Variants in UNC5C observed in about 807,000 individuals in gnomAD.
UNC5C encodes the protein unc-5 netrin receptor C.
UNC5C carries 47 observed loss-of-function variants against 99.8 expected under a neutral mutation model. That is an observed-to-expected ratio of 0.47 (90% CI 0.37 to 0.60). UNC5C has a LOEUF of 0.60. Ranked by LOEUF, UNC5C falls within the 20% of genes least tolerant of loss-of-function variation. UNC5C has a pLI of 0.00. For missense variants in UNC5C, 1,062 were observed against 1,165.9 expected (o/e 0.91, Z 1.30); for synonymous variants, 487 against 452.2 (o/e 1.08, Z -0.98).
At chr4:95,353,095 T>C (rs1408974839) in intron 1 of UNC5C, among the ~76,000 whole-genome samples, 1 of 152,188 alleles carries the variant, frequency 6.6e-6, no homozygotes, top group Non-Finnish European at 1.5e-5. Context: ...CTGCACTTAA[T>C]GCCTTATTCC....
chr4:95,301,808 A>G, intron 2 of UNC5C, 59 bp from the exon 3 acceptor site: 1 of 1,561,548 alleles, frequency 6.4e-7, no homozygotes, highest in Non-Finnish European at 8.7e-7. Context: ...AGAAATATAA[A>G]CCATCACATC....
At chr4:95,373,617 C>T (rs570177279) in intron 1 of UNC5C, among the ~76,000 whole-genome samples, 23 of 152,222 alleles carry the variant, frequency 1.5e-4, no homozygotes, top group South Asian at 1.2e-3. Flanking sequence ...TTGTTTGTTT[C>T]GCGGCTGTAT....
At chr4:95,535,046 G>C (rs1195401519) in intron 1 of UNC5C, among the ~76,000 whole-genome samples, 1 of 152,068 alleles carries the variant, frequency 6.6e-6, no homozygotes, top group Non-Finnish European at 1.5e-5. Flanking sequence ...CAAATGTACA[G>C]TGGAGAAAAG....
At chr4:95,465,529 T>C (rs1004114249) in intron 1 of UNC5C, among the ~76,000 whole-genome samples, 1 of 152,110 alleles carries the variant, frequency 6.6e-6, no homozygotes, top group Non-Finnish European at 1.5e-5. Context: ...TTTTCTTCCA[T>C]GTAGGAAGAA....
chr4:95,202,779 C>G lies in UNC5C; in HGVS notation c.2088G>C (p.Glu696Asp). The G allele has an allele frequency of 6.2e-7, 1 of 1,614,246 alleles. No homozygotes were observed. The highest frequency in any genetic ancestry group is 8.5e-7 in the Non-Finnish European group (1 of 1,180,050). Residue 696 changes from glutamate to aspartate, a missense_variant, in exon 12 of 16, where the codon GAG (glutamate) becomes GAC (aspartate). Around this residue, in one of 3 missense-constraint regions of UNC5C, gnomAD observed 810 missense variants for 854.5 expected, o/e 0.95. Transcript: ENST00000453304. Reference sequence around the variant, plus strand: ...CCAGACAGTAGACTCGGATGCTGTACTCCAGCGAGGAGCAGCACAGGGGCC... The same window carrying G: ...CCAGACAGTAGACTCGGATGCTGTAGTCCAGCGAGGAGCAGCACAGGGGCC... ...IFGPLCCSSL[E>D]YSIRVYCLDD... is the part of the protein sequence containing the mutation.
chr4:95,472,985 A>G (rs1360805468), intron 1 of UNC5C, among the ~76,000 whole-genome samples: 2 of 151,998 alleles, frequency 1.3e-5, no homozygotes, highest in Admixed American at 1.3e-4. Context: ...CTTATGCTCC[A>G]CTGAAATAAA....
At chr4:95,349,322 G>GGT (rs151051852) in intron 1 of UNC5C, among the ~76,000 whole-genome samples, 75,497 of 120,400 alleles carry the variant, frequency 0.63, 24,842 homozygotes, top group Admixed American at 0.74. Flanking sequence ...AGAGAGAAAG[G>GGT]GTGTGTGTGT....
chr4:95,358,176 A>G (rs1744275628), intron 1 of UNC5C, among the ~76,000 whole-genome samples: 2 of 152,196 alleles, frequency 1.3e-5, no homozygotes. Context: ...GGTGTTTTAC[A>G]ACAAAAACAA....
At chr4:95,214,695 A>G (rs1163129210) in intron 10 of UNC5C, among the ~76,000 whole-genome samples, 2 of 152,242 alleles carry the variant, frequency 1.3e-5, no homozygotes, top group East Asian at 3.9e-4. Context: ...CTCACCATAA[A>G]GCACAAGCCA....
intron 1 of UNC5C, among the ~76,000 whole-genome samples, chr4:95,420,404 A>G (rs1746283333): frequency 6.6e-6 from 1 of 152,200 alleles, no homozygotes; most frequent in South Asian, 2.1e-4. Context: ...TCATAAGTCT[A>G]GAGATTTAAC....
chr4:95,535,467 C>T (rs752152669), intron 1 of UNC5C, among the ~76,000 whole-genome samples: 12 of 152,148 alleles, frequency 7.9e-5, no homozygotes, highest in Non-Finnish European at 1.8e-4. Flanking sequence ...GCAACAATTG[C>T]TAATGTGCAT....
intron 2 of UNC5C, among the ~76,000 whole-genome samples, chr4:95,316,186 G>A (rs1165638397): frequency 1.3e-5 from 2 of 152,074 alleles, no homozygotes; most frequent in Admixed American, 1.3e-4. Flanking sequence ...ATGGAAAAAA[G>A]GGAAATAATT....
intron 1 of UNC5C, among the ~76,000 whole-genome samples, chr4:95,415,826 C>T: frequency 6.6e-6 from 1 of 151,050 alleles, no homozygotes; most frequent in African/African-American, 2.5e-5. Context: ...TAAATGGCAA[C>T]CCTAAGAATG....
intron 1 of UNC5C, among the ~76,000 whole-genome samples, chr4:95,371,431 G>C (rs1055044639): frequency 8.6e-5 from 6 of 69,490 alleles, no homozygotes; most frequent in Non-Finnish European, 1.6e-4. Flanking sequence ...TGTGGGGGGG[G>C]GGGAGTATCA....
At chr4:95,196,764 T>TA (rs1249382084) in intron 12 of UNC5C, among the ~76,000 whole-genome samples, 11 of 35,916 alleles carry the variant, frequency 3.1e-4, no homozygotes, top group Admixed American at 6.1e-4. Flanking sequence ...AATATATATA[T>TA]TATATTTATG....
chr4:95,166,872 C>T lies in UNC5C; in HGVS notation c.*2362G>A, dbSNP rs1735876751. ...TAGAATACAGTTTTACTCATTGCTACAAACATCCACTGAACTTGTTTATAG... is the reference window on the plus strand; with the variant it reads ...TAGAATACAGTTTTACTCATTGCTATAAACATCCACTGAACTTGTTTATAG... On this transcript the variant is annotated 3_prime_UTR_variant, in exon 16 of 16. Coordinates refer to ENST00000453304, the MANE Select transcript of UNC5C (RefSeq NM_003728.4). The T allele has an allele frequency of 1.3e-5, 2 of 152,170 alleles. No individual in the cohort carries two copies. Among genetic ancestry groups the T allele is most frequent in the Non-Finnish European group, 1.5e-5 (1 of 68,038 alleles). The allele number at this position is 152,170 out of a possible 1,614,324, so 9.4% of individuals were successfully genotyped here. A position where few individuals can be genotyped will look rare whatever the true frequency, so the allele number is the denominator to read the frequency against.
Position 95,167,930 on chromosome 4 carries a change from T to A in UNC5C, c.*1304A>T, listed in dbSNP as rs1735920247. On this transcript the variant is annotated 3_prime_UTR_variant, in exon 16 of 16. Transcript: ENST00000453304. ...ACTTGGAGATGATCTAATCCCACCC[T>A]TTCACTTTCTAGTGAGGACACTGAG... is the stretch of plus-strand genomic sequence containing the variant. 6.6e-6 allele frequency: 1 copy of A among 152,214 alleles called. No individual in the cohort carries two copies. The highest frequency in any genetic ancestry group is 1.5e-5 in the Non-Finnish European group (1 of 68,036). 9.4% of individuals were successfully genotyped at this position (152,214 alleles called of 1,614,324 possible).
At chr4:95,273,659 G>A (rs557552065) in intron 4 of UNC5C, among the ~76,000 whole-genome samples, 1 of 152,256 alleles carries the variant, frequency 6.6e-6, no homozygotes, top group South Asian at 2.1e-4. Context: ...CCTAACAAAA[G>A]TGTTATTAAA....
chr4:95,174,663 G>C (rs901056909), intron 14 of UNC5C, among the ~76,000 whole-genome samples: 3 of 150,638 alleles, frequency 2.0e-5, no homozygotes, highest in Admixed American at 6.6e-5. Context: ...TTACTTCCAA[G>C]TATGTGGTCA....
Sources: gnomAD v4.1 joint callset for allele counts (sites outside exome capture counted in the v4.1 genomes callset) on GRCh38, gnomAD v4.1.1 for gene constraint, gnomAD v4.1.1 regional missense constraint, MANE v1.5 for transcripts, NCBI Gene and HGNC (gene_info 2026-07-23, HGNC 2026-07-21) for gene names.